MARVELD1: variants seen among roughly 807,000 people sequenced by gnomAD.
The protein encoded by MARVELD1 is MARVEL domain-containing protein 1.
MARVELD1 carries 7 observed loss-of-function variants against 11.3 expected under a neutral mutation model. The observed-to-expected ratio is 0.62, with a 90% confidence interval of 0.35 to 1.16. The LOEUF is 1.16. Among genes scored for constraint, MARVELD1 ranks in the 50% most tolerant of loss-of-function variants. The pLI, the probability that MARVELD1 is intolerant of heterozygous loss-of-function variation, is 0.02. For synonymous variants in MARVELD1, 119 were observed against 121.4 expected, an observed-to-expected ratio of 0.98 and a Z score of 0.13; for missense variants, 216 against 243.8, an observed-to-expected ratio of 0.89 and a Z score of 0.76.
Position 97,714,484 on chromosome 10 carries a change from C to T in MARVELD1, c.*86C>T. The T allele has an allele frequency of 9.5e-7, 1 of 1,057,024 alleles. No individual in the cohort carries two copies. Among genetic ancestry groups the T allele is most frequent in the Non-Finnish European group, 1.3e-6 (1 of 766,788 alleles). The allele number at this position is 1,057,024 out of a possible 1,614,324, so 65.5% of individuals were successfully genotyped here. A position where few individuals can be genotyped will look rare whatever the true frequency, so the allele number is the denominator to read the frequency against. Reference sequence around the variant, plus strand: ...TTAATCCCTTCCCCCGCCGCCGCCCCGCGCGGGTGCGCCCTGGCACCCTCT... The same window carrying T: ...TTAATCCCTTCCCCCGCCGCCGCCCTGCGCGGGTGCGCCCTGGCACCCTCT... On this transcript the variant is annotated 3_prime_UTR_variant, in exon 1 of 2. Transcript: ENST00000285605. The surrounding 1 kb of genome is among the most constrained non-coding windows in gnomAD (Gnocchi z 7.4).
rs2041891930 is a variant in MARVELD1, at chr10:97,713,955, C to T, written c.79C>T (p.Leu27=). ...RGAVRLQRPF[L]RSPLGVLRLL... is the part of the protein sequence containing the mutation. ...CGCGGTGCGCCTGCAGCGGCCCTTC[C>T]TGCGCAGCCCGCTGGGCGTGTTGCG... The change falls in exon 1 of 2, where the codon CTG becomes TTG. Residue 27 remains leucine, a synonymous_variant. Transcript: ENST00000285605. The surrounding 1 kb of genome is among the most constrained non-coding windows in gnomAD (Gnocchi z 5.7). The T allele has an allele frequency of 2.0e-6, 3 of 1,527,134 alleles. No homozygotes were observed. Among genetic ancestry groups the T allele is most frequent in the Non-Finnish European group, 8.8e-7 (1 of 1,142,292 alleles). The allele number at this position is 1,527,134 out of a possible 1,614,324, so 94.6% of individuals were successfully genotyped here.
intron 1 of MARVELD1, among the ~76,000 whole-genome samples, 191 bp downstream of exon 1, chr10:97,716,176 A>AT (rs1051963923): frequency 6.6e-6 from 1 of 151,826 alleles, no homozygotes; most frequent in African/African-American, 2.4e-5. Flanking sequence ...CTGCTCTTTT[A>AT]TTTTTTCTTT....
chr10:97,714,546 G>C lies in MARVELD1; in HGVS notation c.*148G>C, dbSNP rs545804643. ...AGCGTTTCCACTGTCGCCCGCGCCC[G>C]GGAACCCTGACGCTCAGCTCCCGCC... On this transcript the variant is annotated 3_prime_UTR_variant, in exon 1 of 2. Coordinates refer to ENST00000285605, the MANE Select transcript of MARVELD1 (RefSeq NM_031484.4). This position sits in a 1 kb window ranked among gnomAD's most constrained non-coding sequence, Gnocchi z 7.4. 2 of 587,544 alleles carry C rather than the reference G, an allele frequency of 3.4e-6. No homozygotes were observed. Among genetic ancestry groups the C allele is most frequent in the African/African-American group, 2.0e-5 (1 of 50,380 alleles). The allele number at this position is 587,544 out of a possible 1,614,324, so 36.4% of individuals were successfully genotyped here.
At position 97,713,803 on chromosome 10, in the gene MARVELD1, G is replaced by A. The variant is rs1338167186; in HGVS notation, c.-74G>A. The A allele has an allele frequency of 7.7e-5, 15 of 195,742 alleles. No homozygotes were observed. Among genetic ancestry groups the A allele is most frequent in the Non-Finnish European group, 1.4e-4 (15 of 108,606 alleles). The allele number at this position is 195,742 out of a possible 1,614,324, so 12.1% of individuals were successfully genotyped here. ...CGGGCGCAGCGGGCACCTGGGCCGT[G>A]CTGCCCCCGCGAGCAAGGCGCCGCC... is the stretch of plus-strand genomic sequence containing the variant. On this transcript the variant is annotated 5_prime_UTR_variant, in exon 1 of 2. Transcript: ENST00000285605. This position sits in a 1 kb window ranked among gnomAD's most constrained non-coding sequence, Gnocchi z 5.7.
Position 97,714,355 on chromosome 10 carries a change from A to T in MARVELD1, c.479A>T (p.Tyr160Phe). The T allele has an allele frequency of 6.5e-7, 1 of 1,532,296 alleles. No individual in the cohort carries two copies. Among genetic ancestry groups the T allele is most frequent in the South Asian group, 1.2e-5 (1 of 83,908 alleles). 94.9% of individuals were successfully genotyped at this position (1,532,296 alleles called of 1,614,324 possible). A position where few individuals can be genotyped will look rare whatever the true frequency, so the allele number is the denominator to read the frequency against. ...CHGLYLLSAL[Y>F]GCGRRCQGKQ... ...GGCCTCTACCTGCTTTCGGCGCTCT[A>T]TGGCTGCGGGCGTCGCTGCCAGGGC... The change falls in exon 1 of 2, where the codon TAT becomes TTT. Residue 160 changes from tyrosine (Y) to phenylalanine (F), a missense_variant. Tyr to Phe is a conservative substitution (Grantham distance 22). Transcript: ENST00000285605. The surrounding 1 kb of genome is among the most constrained non-coding windows in gnomAD (Gnocchi z 7.4).
chr10:97,714,152 G>C lies in MARVELD1; in HGVS notation c.276G>C (p.Ser92=), dbSNP rs1396454653. 4.6e-6 allele frequency: 7 copies of C among 1,536,864 alleles called. No homozygotes were observed. Among genetic ancestry groups the C allele is most frequent in the Middle Eastern group, 1.7e-4 (1 of 5,990 alleles). The change falls in exon 1 of 2, where the codon TCG becomes TCC. Residue 92 remains serine, a synonymous_variant. Transcript: ENST00000285605. This position sits in a 1 kb window ranked among gnomAD's most constrained non-coding sequence, Gnocchi z 7.4. ...ACGAGCTGGTCCCCGTGCTGGGCTC[G>C]CGCTGGCTCATGGTCAACGTGGCGC... The part of the protein sequence containing the change: ...GKHELVPVLG[S]RWLMVNVAHD...
rs182901208 is a variant in MARVELD1 at position 97,714,646 on chromosome 10, G to C, written c.*248G>C. 3.1e-3 allele frequency: 1,458 copies of C among 467,298 alleles called. 19 individuals are homozygous for C. Among genetic ancestry groups the C allele is most frequent in the African/African-American group, 0.027 (1,296 of 48,388 alleles). 28.9% of individuals were successfully genotyped at this position (467,298 alleles called of 1,614,324 possible). A position where few individuals can be genotyped will look rare whatever the true frequency, so the allele number is the denominator to read the frequency against. ...CCGCGCCGGACGCGCCGTCTCCCGG[G>C]ACAAGCGCAGGCTGCGATCCGAGGG... is the stretch of plus-strand genomic sequence containing the variant. On this transcript the variant is annotated 3_prime_UTR_variant, in exon 1 of 2. Coordinates refer to ENST00000285605, the MANE Select transcript of MARVELD1 (RefSeq NM_031484.4). This position sits in a 1 kb window ranked among gnomAD's most constrained non-coding sequence, Gnocchi z 7.4.
In MARVELD1 at chr10:97,714,371, C is replaced by T; in HGVS notation, c.495C>T (p.Arg165=). The change falls in exon 1 of 2, where the codon CGC becomes CGT. Residue 165 remains arginine (R), a synonymous_variant. Coordinates refer to ENST00000285605, the MANE Select transcript of MARVELD1 (RefSeq NM_031484.4). This position sits in a 1 kb window ranked among gnomAD's most constrained non-coding sequence, Gnocchi z 7.4. The part of the protein sequence containing the change: ...LLSALYGCGR[R]CQGKQEVA ...CGGCGCTCTATGGCTGCGGGCGTCG[C>T]TGCCAGGGCAAGCAGGAGGTGGCGT... The T allele has an allele frequency of 2.0e-6, 3 of 1,528,676 alleles. No individual in the cohort carries two copies. The highest frequency in any genetic ancestry group is 2.6e-6 in the Non-Finnish European group (3 of 1,143,978). 94.7% of individuals were successfully genotyped at this position (1,528,676 alleles called of 1,614,324 possible).
intron 1 of MARVELD1, among the ~76,000 whole-genome samples, chr10:97,716,885 C>A (rs1313390715): frequency 1.3e-5 from 2 of 152,182 alleles, no homozygotes; most frequent in Non-Finnish European, 2.9e-5. Flanking sequence ...CTGGCCTCTT[C>A]ATGACCAGGC....
In MARVELD1 at chr10:97,714,654, C is replaced by G; in HGVS notation, c.*256C>G. ...GACGCGCCGTCTCCCGGGACAAGCG[C>G]AGGCTGCGATCCGAGGGGCTGACAC... On this transcript the variant is annotated 3_prime_UTR_variant, in exon 1 of 2. Coordinates refer to ENST00000285605, the MANE Select transcript of MARVELD1 (RefSeq NM_031484.4). The surrounding 1 kb of genome is among the most constrained non-coding windows in gnomAD (Gnocchi z 7.4). 2.2e-6 allele frequency: 1 copy of G among 460,734 alleles called. No individual in the cohort carries two copies. Among genetic ancestry groups the G allele is most frequent in the Non-Finnish European group, 3.8e-6 (1 of 263,196 alleles). The allele number at this position is 460,734 out of a possible 1,614,324, so 28.5% of individuals were successfully genotyped here.
At position 97,714,562 on chromosome 10, in the gene MARVELD1, A is replaced by AG. The variant is rs1182441983; in HGVS notation, c.*165dup. On this transcript the variant is annotated 3_prime_UTR_variant, in exon 1 of 2. Transcript: ENST00000285605. The surrounding 1 kb of genome is among the most constrained non-coding windows in gnomAD (Gnocchi z 7.4). Reference sequence around the variant, plus strand: ...CCCGCGCCCGGGAACCCTGACGCTCAGCTCCCGCCCGACGGCAGCGCCGCC... The same window carrying AG: ...CCCGCGCCCGGGAACCCTGACGCTCAGGCTCCCGCCCGACGGCAGCGCCGCC... 1 of 522,152 alleles carries AG rather than the reference A, an allele frequency of 1.9e-6. No homozygotes were observed. Among genetic ancestry groups the AG allele is most frequent in the Non-Finnish European group, 3.2e-6 (1 of 310,594 alleles). 32.3% of individuals were successfully genotyped at this position (522,152 alleles called of 1,614,324 possible).
chr10:97,713,958 C>G lies in MARVELD1; in HGVS notation c.82C>G (p.Arg28Gly). ...GGTGCGCCTGCAGCGGCCCTTCCTGCGCAGCCCGCTGGGCGTGTTGCGGCT... is the reference window on the plus strand; with the variant it reads ...GGTGCGCCTGCAGCGGCCCTTCCTGGGCAGCCCGCTGGGCGTGTTGCGGCT... The part of the protein sequence containing the change: ...GAVRLQRPFL[R>G]SPLGVLRLLQ... Residue 28 changes from arginine to glycine, a missense_variant, in exon 1 of 2, where the codon CGC (arginine) becomes GGC (glycine). Transcript: ENST00000285605. The surrounding 1 kb of genome is among the most constrained non-coding windows in gnomAD (Gnocchi z 5.7). The G allele has an allele frequency of 6.5e-7, 1 of 1,529,710 alleles. No individual in the cohort carries two copies. The highest frequency in any genetic ancestry group is 8.7e-7 in the Non-Finnish European group (1 of 1,143,516). 94.8% of individuals were successfully genotyped at this position (1,529,710 alleles called of 1,614,324 possible).
At position 97,714,089 on chromosome 10, in the gene MARVELD1, C is replaced by A; in HGVS notation, c.213C>A (p.Leu71=). The A allele has an allele frequency of 1.3e-6, 2 of 1,536,976 alleles. No homozygotes were observed. The highest frequency in any genetic ancestry group is 1.7e-6 in the Non-Finnish European group (2 of 1,146,732). Residue 71 remains leucine (L), a synonymous_variant, in exon 1 of 2, where the codon CTC becomes CTA. Transcript: ENST00000285605. This position sits in a 1 kb window ranked among gnomAD's most constrained non-coding sequence, Gnocchi z 7.4. ...TCGTGTCCGTGCTCTTCTGGCTGCTCACCCTGGGCCTCTACTTCCTCACGC... is the reference window on the plus strand; with the variant it reads ...TCGTGTCCGTGCTCTTCTGGCTGCTAACCCTGGGCCTCTACTTCCTCACGC... ...ALFVSVLFWL[L]TLGLYFLTLL...
At position 97,714,145 on chromosome 10, in the gene MARVELD1, T is replaced by A; in HGVS notation, c.269T>A (p.Leu90Gln). ...LLGKHELVPV[L>Q]GSRWLMVNVA... ...GGCAAGCACGAGCTGGTCCCCGTGC[T>A]GGGCTCGCGCTGGCTCATGGTCAAC... Residue 90 changes from leucine (L) to glutamine (Q), a missense_variant, in exon 1 of 2, where the codon CTG becomes CAG. Leu to Gln is a moderately radical substitution (Grantham distance 113). Transcript: ENST00000285605. This position sits in a 1 kb window ranked among gnomAD's most constrained non-coding sequence, Gnocchi z 7.4. The A allele has an allele frequency of 6.5e-7, 1 of 1,536,888 alleles. No individual in the cohort carries two copies. The highest frequency in any genetic ancestry group is 8.7e-7 in the Non-Finnish European group (1 of 1,146,686).
rs1377687189 is a variant in MARVELD1 at position 97,715,848 on chromosome 10, T to C, written c.*1450T>C. The C allele has an allele frequency of 6.6e-6, 1 of 152,274 alleles. No homozygotes were observed. The highest frequency in any genetic ancestry group is 2.4e-5 in the African/African-American group (1 of 41,466). The allele number at this position is 152,274 out of a possible 1,614,324, so 9.4% of individuals were successfully genotyped here. A position where few individuals can be genotyped will look rare whatever the true frequency, so the allele number is the denominator to read the frequency against. On this transcript the variant is annotated 3_prime_UTR_variant, in exon 1 of 2. Coordinates refer to ENST00000285605, the MANE Select transcript of MARVELD1 (RefSeq NM_031484.4). ...AGAAATGAAGCCAAAGTTATTCAGA[T>C]GGTTTTCCCAGGCTAAAGGAAAGTC...
Position 97,714,719 on chromosome 10 carries a change from T to G in MARVELD1, c.*321T>G. 3.1e-6 allele frequency: 1 copy of G among 322,354 alleles called. No individual in the cohort carries two copies. The highest frequency in any genetic ancestry group is 5.7e-6 in the Non-Finnish European group (1 of 176,810). The allele number at this position is 322,354 out of a possible 1,614,324, so 20.0% of individuals were successfully genotyped here. A position where few individuals can be genotyped will look rare whatever the true frequency, so the allele number is the denominator to read the frequency against. ...GCCGCCCCGAGGCGAAACCTCGCGG[T>G]TCCTCTTCCCTTCCCTGCTGAGACT... On this transcript the variant is annotated 3_prime_UTR_variant, in exon 1 of 2. Transcript: ENST00000285605. The surrounding 1 kb of genome is among the most constrained non-coding windows in gnomAD (Gnocchi z 7.4).
chr10:97,714,612 T>C lies in MARVELD1; in HGVS notation c.*214T>C, dbSNP rs1345619455. On this transcript the variant is annotated 3_prime_UTR_variant, in exon 1 of 2. Coordinates refer to ENST00000285605, the MANE Select transcript of MARVELD1 (RefSeq NM_031484.4). This position sits in a 1 kb window ranked among gnomAD's most constrained non-coding sequence, Gnocchi z 7.4. The stretch of plus-strand genomic sequence containing the variant: ...CGCCGCCCAGAATCCCAGCCCAGAA[T>C]CCCGACCGCCGCGCCGGACGCGCCG... 1 of 476,538 alleles carries C rather than the reference T, an allele frequency of 2.1e-6. No individual in the cohort carries two copies. The highest frequency in any genetic ancestry group is 4.2e-5 in the Admixed American group (1 of 23,610). 29.5% of individuals were successfully genotyped at this position (476,538 alleles called of 1,614,324 possible).
Position 97,714,987 on chromosome 10 carries a change from A to G in MARVELD1, c.*589A>G, listed in dbSNP as rs1289317467. ...CTGGGGATTGTGCTGGCATCCTGCG[A>G]AGCTCCTCCCAGCCGGTCTCTCTGT... On this transcript the variant is annotated 3_prime_UTR_variant, in exon 1 of 2. Transcript: ENST00000285605. The surrounding 1 kb of genome is among the most constrained non-coding windows in gnomAD (Gnocchi z 7.4). The G allele has an allele frequency of 1.3e-5, 2 of 152,638 alleles. No homozygotes were observed. Among genetic ancestry groups the G allele is most frequent in the African/African-American group, 4.8e-5 (2 of 41,460 alleles). 9.5% of individuals were successfully genotyped at this position (152,638 alleles called of 1,614,324 possible).
At chr10:97,716,279 G>A (rs963322757) in intron 1 of MARVELD1, among the ~76,000 whole-genome samples, 4 of 152,132 alleles carry the variant, frequency 2.6e-5, no homozygotes, top group Non-Finnish European at 5.9e-5. Flanking sequence ...CGACCTCCCA[G>A]ACTGAAGCGA....
Sources: gnomAD v4.1 joint callset for allele counts (sites outside exome capture counted in the v4.1 genomes callset) on GRCh38, gnomAD v4.1.1 for gene constraint, Gnocchi (gnomAD v3.1) non-coding constraint, MANE v1.5 for transcripts, NCBI Gene and HGNC (gene_info 2026-07-23, HGNC 2026-07-21) for gene names.